Variants in ARMC9 observed in about 807,000 individuals in gnomAD.
ARMC9 encodes armadillo repeat containing 9.
In ARMC9, 94 loss-of-function variants were observed where a neutral mutation model predicts 107.0. The observed-to-expected ratio is 0.88, with a 90% confidence interval of 0.74 to 1.04. The LOEUF (loss-of-function observed/expected upper bound fraction) is 1.04, where lower values mean the gene tolerates loss of function less well. ARMC9 is among the 50% of genes least tolerant of loss of function. The probability of loss-of-function intolerance (pLI) is 0.00; values close to 1 mark genes in which losing one functional copy is unlikely to be tolerated. For missense variants in ARMC9, 942 were observed against 1,030.1 expected, an observed-to-expected ratio of 0.91 and a Z score of 1.17; for synonymous variants, 380 against 396.9, an observed-to-expected ratio of 0.96 and a Z score of 0.51.
chr2:231,321,076 T>C (rs1024387645), intron 19 of ARMC9, among the ~76,000 whole-genome samples: 1 of 152,228 alleles, frequency 6.6e-6, no homozygotes, highest in African/African-American at 2.4e-5. Context: ...CTCAGTGTTC[T>C]CATCTGTAAA....
rs147745559 is a variant in ARMC9 at position 231,240,583 on chromosome 2, A to G, written c.879+542A>G. On this transcript the variant is annotated intron_variant, in intron 9 of 24. Transcript: ENST00000611582. Reference sequence around the variant, plus strand: ...TGAACTATTTGAGGATAAATTATATATATTATGACTCTTTACTCCTAAATA... The same window carrying G: ...TGAACTATTTGAGGATAAATTATATGTATTATGACTCTTTACTCCTAAATA... 8.2e-3 allele frequency among the ~76,000 whole-genome samples: 1,243 copies of G among 152,322 alleles called. 11 individuals are homozygous for G. The highest frequency in any genetic ancestry group is 0.012 in the Non-Finnish European group (788 of 68,032).
At chr2:231,211,894 T>C (rs1197707447) in intron 3 of ARMC9, among the ~76,000 whole-genome samples, 1 of 152,212 alleles carries the variant, frequency 6.6e-6, no homozygotes, top group African/African-American at 2.4e-5. Flanking sequence ...ACCTTGAAAC[T>C]TTCTGATTGT....
chr2:231,369,805 G>A, intron 23 of ARMC9, 148 bp from the exon 24 acceptor site: 1 of 863,588 alleles, frequency 1.2e-6, no homozygotes, highest in Non-Finnish European at 1.6e-6. Flanking sequence ...TGTTGGCCAG[G>A]CTGGTCTCTA....
rs2041456146 is a variant in ARMC9, at chr2:231,297,508, A to G, written c.1773+1255A>G. Among the ~76,000 whole-genome samples, 1 of 152,246 alleles carries G rather than the reference A, an allele frequency of 6.6e-6. No individual in the cohort carries two copies. Among genetic ancestry groups the G allele is most frequent in the African/African-American group, 2.4e-5 (1 of 41,468 alleles). On this transcript the variant is annotated intron_variant, in intron 19 of 24. Transcript: ENST00000611582. This position sits in a 1 kb window ranked among gnomAD's most constrained non-coding sequence, Gnocchi z 4.2. ...CCAACCACTCAATTCTGCCATTGTA[A>G]CACGGTGGCTGTCAGCAGTACATAA... is the stretch of plus-strand genomic sequence containing the variant.
chr2:231,325,559 C>A (rs1397424907), intron 19 of ARMC9, among the ~76,000 whole-genome samples: 1 of 152,144 alleles, frequency 6.6e-6, no homozygotes, highest in African/African-American at 2.4e-5. Context: ...GGCTCTGTCC[C>A]CTGGAGAAGA....
At chr2:231,276,846 T>C in intron 15 of ARMC9, 71 bp downstream of exon 15, 2 of 1,580,028 alleles carry the variant, frequency 1.3e-6, no homozygotes, top group Non-Finnish European at 1.7e-6. Context: ...GGGTTTCTAG[T>C]GAGCCTGATA....
chr2:231,324,086 G>A (rs1202975755), intron 19 of ARMC9, among the ~76,000 whole-genome samples: 1 of 151,562 alleles, frequency 6.6e-6, no homozygotes, highest in Non-Finnish European at 1.5e-5. Context: ...AGGTTAGGGA[G>A]GGCCTATCAA....
At position 231,302,433 on chromosome 2, in the gene ARMC9, G is replaced by GTTTT. The variant is rs1322418026; in HGVS notation, c.1773+6183_1773+6184insTTTT. On this transcript the variant is annotated intron_variant, in intron 19 of 24. Coordinates refer to ENST00000611582, the MANE Select transcript of ARMC9 (RefSeq NM_001352754.2). ...TTTATGAAAAAGTGTAGCATTGTGG[G>GTTTT]TTTGTTTTTTTTTTTTTTTTTTTTT... 5.4e-3 allele frequency among the ~76,000 whole-genome samples: 516 copies of GTTTT among 96,204 alleles called. 18 individuals carry two copies. Among genetic ancestry groups the GTTTT allele is most frequent in the Non-Finnish European group, 6.6e-3 (317 of 47,694 alleles). The allele number at this position is 96,204 out of a possible 152,430, so 63.1% of individuals were successfully genotyped here. A position where few individuals can be genotyped will look rare whatever the true frequency, so the allele number is the denominator to read the frequency against.
Position 231,239,992 on chromosome 2 carries a change from A to G in ARMC9, c.830A>G (p.Gln277Arg), listed in dbSNP as rs1366583472. 2.5e-6 allele frequency: 4 copies of G among 1,613,848 alleles called. 1 individual carries two copies. In the South Asian group the frequency reaches 4.4e-5, roughly 18 times the overall value. Residue 277 changes from glutamine (Q) to arginine (R), a missense_variant, in exon 9 of 25, where the codon CAG becomes CGG. Gln to Arg is a conservative substitution (Grantham distance 43). Coordinates refer to ENST00000611582, the MANE Select transcript of ARMC9 (RefSeq NM_001352754.2). ...QSVCVRLFSN[Q>R]MRQSLAHSVD... ...GTCTGTGTCCGCCTGTTCAGTAACC[A>G]GATGCGGCAGAGCCTGGCGCATAGT...
intron 21 of ARMC9, among the ~76,000 whole-genome samples, chr2:231,355,149 A>G (rs6736079): frequency 0.22 from 33,366 of 152,142 alleles, 9,449 homozygotes; most frequent in African/African-American, 0.66. Flanking sequence ...GACCAGTCCT[A>G]GCAACATGGA....
chr2:231,278,126 AC>A (rs1490088579), intron 15 of ARMC9, among the ~76,000 whole-genome samples: 2 of 152,148 alleles, frequency 1.3e-5, no homozygotes, highest in Non-Finnish European at 2.9e-5. Context: ...TCTATGCTAC[AC>A]TGAGTCCTTT....
chr2:231,352,445 G>A (rs1335666645), intron 21 of ARMC9, among the ~76,000 whole-genome samples: 7 of 151,886 alleles, frequency 4.6e-5, no homozygotes, highest in South Asian at 2.1e-4. Context: ...GATTACAGGC[G>A]CCTGCCACCA....
At chr2:231,240,284 G>A (rs2036176208) in intron 9 of ARMC9, 1 of 523,684 alleles carries the variant, frequency 1.9e-6, no homozygotes, top group Non-Finnish European at 3.4e-6. Context: ...GCCACTCAGT[G>A]GGGGTTCCCA....
At chr2:231,219,551 A>C (rs987075896) in intron 5 of ARMC9, among the ~76,000 whole-genome samples, 1 of 152,168 alleles carries the variant, frequency 6.6e-6, no homozygotes, top group Admixed American at 6.5e-5. Flanking sequence ...GAAGGTGATC[A>C]ATCTCTTTTA....
chr2:231,328,985 T>C (rs1369082891), intron 19 of ARMC9, among the ~76,000 whole-genome samples: 2 of 151,448 alleles, frequency 1.3e-5, no homozygotes, highest in African/African-American at 4.9e-5. Flanking sequence ...GGGCTACTTT[T>C]TTTTGTATTT....
At chr2:231,267,734 G>T (rs2038978362) in intron 12 of ARMC9, among the ~76,000 whole-genome samples, 2 of 152,206 alleles carry the variant, frequency 1.3e-5, no homozygotes, top group Admixed American at 1.3e-4. Context: ...TTATCCAAAT[G>T]CAGATAAGAG....
At position 231,331,852 on chromosome 2, in the gene ARMC9, C is replaced by G. The variant is rs1669083; in HGVS notation, c.1833C>G (p.Leu611=). The change falls in exon 20 of 25, where the codon CTC becomes CTG. Residue 611 remains leucine (L), a synonymous_variant. Transcript: ENST00000611582. ...LDKDELIQPQ[L]GELSGEKLLT... ...AAGACGAACTGATCCAGCCCCAGCTCGGAGAACTCTCAGGAGAGAAGCTTC... is the reference window on the plus strand; with the variant it reads ...AAGACGAACTGATCCAGCCCCAGCTGGGAGAACTCTCAGGAGAGAAGCTTC... The G allele has an allele frequency of 6.2e-7, 1 of 1,612,472 alleles. No homozygotes were observed. Among genetic ancestry groups the G allele is most frequent in the Non-Finnish European group, 8.5e-7 (1 of 1,178,892 alleles).
At chr2:231,314,140 C>T (rs1312281298) in intron 19 of ARMC9, among the ~76,000 whole-genome samples, 1 of 149,032 alleles carries the variant, frequency 6.7e-6, no homozygotes, top group African/African-American at 2.5e-5. Context: ...AGTGTGATGG[C>T]GCAATCTCAG....
chr2:231,228,291 A>C (rs553214043), intron 7 of ARMC9, among the ~76,000 whole-genome samples: 4 of 152,324 alleles, frequency 2.6e-5, no homozygotes, highest in East Asian at 3.9e-4. Flanking sequence ...AATGGTGATG[A>C]TGAGCCTGCA....
Sources: gnomAD v4.1 joint callset for allele counts (sites outside exome capture counted in the v4.1 genomes callset) on GRCh38, gnomAD v4.1.1 for gene constraint, Gnocchi (gnomAD v3.1) non-coding constraint, MANE v1.5 for transcripts, NCBI Gene and HGNC (gene_info 2026-07-23, HGNC 2026-07-21) for gene names.